SI: variants seen among roughly 807,000 people sequenced by gnomAD.
SI encodes sucrase-isomaltase.
SI carries 235 observed loss-of-function variants against 253.3 expected under a neutral mutation model. The observed-to-expected ratio is 0.93, with a 90% CI of 0.83 to 1.03. SI has a LOEUF of 1.03. Ranked by LOEUF, SI falls within the 50% of genes least tolerant of loss-of-function variation. SI has a pLI of 0.00. For synonymous variants in SI, 819 were observed against 712.0 expected, an observed-to-expected ratio of 1.15 and a Z score of -2.39; for missense variants, 2,442 against 2,211.1, an observed-to-expected ratio of 1.10 and a Z score of -2.09.
chr3:165,041,246 C>G (rs1712813046), intron 17 of SI, 152 bp from the exon 18 acceptor site: 1 of 664,070 alleles, frequency 1.5e-6, no homozygotes, highest in African/African-American at 1.8e-5. Flanking sequence ...ATCAAAGTGT[C>G]TGAATGAATA....
Position 165,017,577 on chromosome 3 carries a change from C to A in SI, c.3730G>T (p.Asp1244Tyr). ...ANTSEVRELY[D>Y]AMVAANIPYD... ...GGGATGTTAGCAGCCACCATAGCGT[C>A]ATATAATTCCCGAACCTCTGAAGTA... The change falls in exon 31 of 48, where the codon GAC (aspartate) becomes TAC (tyrosine). Residue 1244 changes from aspartate (D) to tyrosine (Y), a missense_variant. Physicochemically the swap from Asp to Tyr is radical, Grantham distance 160 (BLOSUM62 -3). Transcript: ENST00000264382. 1 of 1,612,440 alleles carries A rather than the reference C, an allele frequency of 6.2e-7. No individual in the cohort carries two copies. Among genetic ancestry groups the A allele is most frequent in the South Asian group, 1.1e-5 (1 of 91,028 alleles).
At chr3:164,997,800 G>A (rs1006266613) in intron 38 of SI, among the ~76,000 whole-genome samples, 5 of 151,696 alleles carry the variant, frequency 3.3e-5, no homozygotes, top group African/African-American at 1.2e-4. Context: ...CTCCATCCAT[G>A]TCCCTTGAAA....
rs1712621914 is a variant in SI at position 165,038,040 on chromosome 3, T to C, written c.2302-16A>G. 3 of 1,574,474 alleles carry C rather than the reference T, an allele frequency of 1.9e-6. No individual in the cohort carries two copies. Among genetic ancestry groups the C allele is most frequent in the East Asian group, 4.5e-5 (2 of 44,438 alleles). ...TTTTTGCACCCTAATAATTGGAAGA[T>C]TAAAAACATTCTTAATATTATTGAA... On this transcript the variant is annotated splice_polypyrimidine_tract_variant and intron_variant, in intron 20 of 47. Transcript: ENST00000264382.
At chr3:165,065,454 G>T (rs1477461938) in intron 6 of SI, 22 bp from the exon 7 acceptor site, 1 of 685,270 alleles carries the variant, frequency 1.5e-6, no homozygotes, top group South Asian at 2.0e-5. Context: ...AAGAAATAAA[G>T]AAATAATCTA....
intron 26 of SI, among the ~76,000 whole-genome samples, chr3:165,022,323 A>C (rs1711665993): frequency 6.6e-6 from 1 of 151,608 alleles, no homozygotes; most frequent in Admixed American, 6.6e-5. Flanking sequence ...GTGGCTTGAA[A>C]GGCCTTTGCT....
intron 16 of SI, among the ~76,000 whole-genome samples, chr3:165,044,545 C>T (rs1285626598): frequency 3.3e-5 from 5 of 151,786 alleles, no homozygotes; most frequent in Non-Finnish European, 7.4e-5. Context: ...TTTATTGGGT[C>T]CCTATAGATT....
intron 12 of SI, 82 bp from the exon 13 acceptor site, chr3:165,055,389 T>C (rs778114674): frequency 2.9e-5 from 23 of 790,496 alleles, no homozygotes; most frequent in East Asian, 2.7e-4. Context: ...AAGTTGAGAA[T>C]AGTAAAAAAA....
intron 45 of SI, among the ~76,000 whole-genome samples, chr3:164,985,904 C>T (rs1348708361): frequency 6.6e-6 from 1 of 152,032 alleles, no homozygotes; most frequent in Non-Finnish European, 1.5e-5. Flanking sequence ...TTTCTGATAA[C>T]AACGGTTAGT....
chr3:165,007,349 C>T (rs1484738222), intron 36 of SI, among the ~76,000 whole-genome samples: 2 of 151,976 alleles, frequency 1.3e-5, no homozygotes, highest in East Asian at 1.9e-4. Context: ...CAGAGTTTTG[C>T]CATCACTTAA....
chr3:164,988,744 A>G (rs925108534), intron 44 of SI, among the ~76,000 whole-genome samples: 15 of 152,188 alleles, frequency 9.9e-5, no homozygotes, highest in Admixed American at 3.3e-4. Context: ...AAAGCAAGGA[A>G]TTTTGCAATG....
chr3:165,038,984 C>T, intron 20 of SI, 94 bp downstream of exon 20: 1 of 743,080 alleles, frequency 1.3e-6, no homozygotes, highest in Non-Finnish European at 2.3e-6. Flanking sequence ...AATATGTATG[C>T]TATGTAGTTA....
rs143539328 is a variant in SI at position 165,026,179 on chromosome 3, C to T, written c.2893-2403G>A. The stretch of plus-strand genomic sequence containing the variant: ...AATGAACACTGAAAGCCAGAAGTAG[C>T]TATTTTTATATCAGACAAAACAAAC... On this transcript the variant is annotated intron_variant, in intron 25 of 47. Transcript: ENST00000264382. Among the ~76,000 whole-genome samples, 664 of 151,268 alleles carry T rather than the reference C, an allele frequency of 4.4e-3. 3 individuals are homozygous for T. The highest frequency in any genetic ancestry group is 0.015 in the African/African-American group (613 of 41,418).
chr3:165,042,782 C>A (rs533744388), intron 17 of SI, among the ~76,000 whole-genome samples: 22 of 152,074 alleles, frequency 1.4e-4, no homozygotes, highest in Admixed American at 1.4e-3. Context: ...TTTAAAATAC[C>A]GGTAACTTAA....
rs1431737788 is a variant in SI at position 165,069,167 on chromosome 3, C to A, written c.284G>T (p.Trp95Leu). Residue 95 changes from tryptophan to leucine, a missense_variant, in exon 4 of 48, where the codon TGG becomes TTG. Physicochemically the swap from Trp to Leu is moderately conservative, Grantham distance 61 (BLOSUM62 -2). Transcript: ENST00000264382. ...AATAAGAGAGTCATTCCACGGCCTC[C>A]AGCAGCAGCCTCTCTGTGCACAAAT... ...EGICAQRGCC[W>L]RPWNDSLIPW... The A allele has an allele frequency of 6.2e-7, 1 of 1,612,798 alleles. No individual in the cohort carries two copies. Among genetic ancestry groups the A allele is most frequent in the Non-Finnish European group, 8.5e-7 (1 of 1,179,164 alleles).
intron 46 of SI, 22 bp from the exon 47 acceptor site, chr3:164,982,432 T>A: frequency 6.4e-7 from 1 of 1,557,358 alleles, no homozygotes; most frequent in Non-Finnish European, 8.8e-7. Context: ...GAAAAAGGAA[T>A]AACATAAACA....
chr3:165,029,571 TATATATATAC>T (rs1712114969), intron 25 of SI, among the ~76,000 whole-genome samples: 1 of 96,574 alleles, frequency 1.0e-5, no homozygotes, highest in Admixed American at 1.4e-4. Flanking sequence ...AACTGTGGTG[TATATATATAC>T]ATATATATGT....
At chr3:164,995,601 A>T (rs1405185312) in intron 40 of SI, among the ~76,000 whole-genome samples, 1 of 151,576 alleles carries the variant, frequency 6.6e-6, no homozygotes, top group African/African-American at 2.4e-5. Context: ...CACCAACCAC[A>T]TTACAATCAT....
chr3:165,009,488 T>C lies in SI; in HGVS notation c.4063-93A>G, dbSNP rs1718671181. On this transcript the variant is annotated intron_variant, in intron 34 of 47. Coordinates refer to ENST00000264382, the MANE Select transcript of SI (RefSeq NM_001041.4). ...ATGTATTTGACAGATCCACAAGTCA[T>C]GTATGACTGATAATGAAGGAAATTG... 4.0e-6 allele frequency: 3 copies of C among 756,080 alleles called. No individual in the cohort carries two copies. The South Asian group carries it at 4.3e-5, about 11-fold the overall frequency. The allele number at this position is 756,080 out of a possible 1,614,324, so 46.8% of individuals were successfully genotyped here.
At chr3:165,040,568 A>C (rs771470892) in intron 18 of SI, among the ~76,000 whole-genome samples, 84 of 152,156 alleles carry the variant, frequency 5.5e-4, no homozygotes, top group Non-Finnish European at 1.0e-3. Flanking sequence ...ATACATGCAA[A>C]GATGAGCACA....
Sources: gnomAD v4.1 joint callset for allele counts (sites outside exome capture counted in the v4.1 genomes callset) on GRCh38, gnomAD v4.1.1 for gene constraint, MANE v1.5 for transcripts, NCBI Gene and HGNC (gene_info 2026-07-23, HGNC 2026-07-21) for gene names.